ADAM7: variants seen among roughly 807,000 people sequenced by gnomAD.
ADAM7 encodes ADAM metallopeptidase domain 7, also known as disintegrin and metalloproteinase domain-containing protein 7.
Under a neutral mutation model 102.9 loss-of-function variants are expected in ADAM7, and 97 were observed. The ratio of observed to expected loss-of-function variants is 0.94; its 90% CI spans 0.80 to 1.12. The LOEUF (loss-of-function observed/expected upper bound fraction) is 1.12, where lower values mean the gene tolerates loss of function less well. Among genes scored for constraint, ADAM7 ranks in the 50% most tolerant of loss-of-function variants. The pLI, the probability that ADAM7 is intolerant of heterozygous loss-of-function variation, is 0.00. For synonymous variants in ADAM7, 334 were observed against 304.4 expected (o/e 1.10, Z -1.01); for missense variants, 991 against 908.7 (o/e 1.09, Z -1.16).
At chr8:24,492,322 C>A (rs181255718) in intron 14 of ADAM7, among the ~76,000 whole-genome samples, 173 bp from the exon 15 acceptor site, 106 of 152,182 alleles carry the variant, frequency 7.0e-4, no homozygotes, top group Admixed American at 1.4e-3. Context: ...TGTTTTATAT[C>A]TCCAGCCTAA....
At chr8:24,464,790 G>A (rs1254918509) in intron 4 of ADAM7, among the ~76,000 whole-genome samples, 2 of 130,116 alleles carry the variant, frequency 1.5e-5, no homozygotes, top group African/African-American at 5.6e-5. Context: ...TAGTAGAGGC[G>A]GGGTTTCACC....
chr8:24,450,928 T>C (rs962719546), intron 3 of ADAM7, among the ~76,000 whole-genome samples: 4 of 152,204 alleles, frequency 2.6e-5, no homozygotes, highest in African/African-American at 4.8e-5. Context: ...TCATCTTTGG[T>C]TCTGTTTATA....
rs751999467 is a variant in ADAM7, at chr8:24,487,187, G to C, written c.961G>C (p.Asp321His). The C allele has an allele frequency of 6.2e-7, 1 of 1,613,094 alleles. No homozygotes were observed. Among genetic ancestry groups the C allele is most frequent in the Non-Finnish European group, 8.5e-7 (1 of 1,179,476 alleles). Reference sequence around the variant, plus strand: ...TCTAATGCAATTGTTTTATCATCAGGATCTTTTACCTGACACAAACATAAT... The same window carrying C: ...TCTAATGCAATTGTTTTATCATCAGCATCTTTTACCTGACACAAACATAAT... ...LPYYSTSIIK[D>H]LLPDTNIIAN... Residue 321 changes from aspartate to histidine, a missense_variant and splice_region_variant, in exon 11 of 22, where the codon GAT (aspartate) becomes CAT (histidine). Transcript: ENST00000175238.
intron 2 of ADAM7, among the ~76,000 whole-genome samples, chr8:24,444,805 T>A (rs1267366750): frequency 6.6e-6 from 1 of 151,924 alleles, no homozygotes; most frequent in South Asian, 2.1e-4. Flanking sequence ...TTAAAGCACA[T>A]CAGGGAAAAA....
chr8:24,452,790 AGTT>A (rs1818851749), intron 3 of ADAM7, among the ~76,000 whole-genome samples: 1 of 151,568 alleles, frequency 6.6e-6, no homozygotes, highest in Non-Finnish European at 1.5e-5. Context: ...GGCTGGTACC[AGTT>A]GTTCCTTTCC....
At chr8:24,480,333 C>T (rs904113783) in intron 8 of ADAM7, among the ~76,000 whole-genome samples, 6 of 152,122 alleles carry the variant, frequency 3.9e-5, no homozygotes, top group Admixed American at 6.6e-5. Flanking sequence ...TCTAAAAGCC[C>T]GTGTGCCTGG....
In ADAM7 at chr8:24,500,871, G is replaced by T. The variant is rs141057713; in HGVS notation, c.2084G>T (p.Cys695Phe). 6.2e-7 allele frequency: 1 copy of T among 1,612,950 alleles called. No homozygotes were observed. The highest frequency in any genetic ancestry group is 2.2e-5 in the East Asian group (1 of 44,808). The change falls in exon 19 of 22, where the codon TGT (cysteine) becomes TTT (phenylalanine). Residue 695 changes from cysteine (C) to phenylalanine (F), a missense_variant. Coordinates refer to ENST00000175238, the MANE Select transcript of ADAM7 (RefSeq NM_003817.4). ...ATACTATTAGTTCGTTACCGAAAAT[G>T]TATCAAGTTGAAGCAAGTTCAGAGG... ...VLILLVRYRKCIKLKQVQSPP... is the reference protein window; with the variant it reads ...VLILLVRYRKFIKLKQVQSPP...
chr8:24,447,699 C>T (rs1344331864), intron 3 of ADAM7, among the ~76,000 whole-genome samples: 1 of 152,072 alleles, frequency 6.6e-6, no homozygotes, highest in Non-Finnish European at 1.5e-5. Context: ...CTTGTGTAAC[C>T]AAATAGTGTA....
chr8:24,451,281 C>T (rs559232620), intron 3 of ADAM7, among the ~76,000 whole-genome samples: 9 of 151,860 alleles, frequency 5.9e-5, no homozygotes, highest in African/African-American at 1.9e-4. Flanking sequence ...ATCTGGTCCT[C>T]GACTCTTTTT....
intron 8 of ADAM7, among the ~76,000 whole-genome samples, chr8:24,481,354 T>A (rs1819945337): frequency 6.6e-6 from 1 of 152,194 alleles, no homozygotes; most frequent in Non-Finnish European, 1.5e-5. Context: ...ACTAGTTACA[T>A]TGCCTAGTAA....
chr8:24,470,303 C>A (rs1819562466), intron 7 of ADAM7, among the ~76,000 whole-genome samples: 1 of 152,004 alleles, frequency 6.6e-6, no homozygotes, highest in Non-Finnish European at 1.5e-5. Context: ...AGAAAGAAAT[C>A]ATACTTAAAA....
At chr8:24,500,394 TACCCAAA>T (rs1240586985) in intron 18 of ADAM7, 138 bp downstream of exon 18, 26 of 713,888 alleles carry the variant, frequency 3.6e-5, no homozygotes, top group Non-Finnish European at 5.0e-5. Context: ...TGTGCATGAA[TACCCAAA>T]TTGATTTTAC....
chr8:24,462,515 C>T (rs969437679), intron 3 of ADAM7, among the ~76,000 whole-genome samples: 1 of 152,154 alleles, frequency 6.6e-6, no homozygotes, highest in Non-Finnish European at 1.5e-5. Flanking sequence ...TTCTTCACCT[C>T]TCATGCTGTG....
intron 13 of ADAM7, 148 bp from the exon 14 acceptor site, chr8:24,491,755 T>C (rs941610050): frequency 1.9e-5 from 11 of 583,092 alleles, no homozygotes; most frequent in Admixed American, 7.1e-5. Context: ...CATTGACAAA[T>C]GACAATGATT....
At chr8:24,464,264 G>C (rs973048733) in intron 4 of ADAM7, among the ~76,000 whole-genome samples, 4 of 152,054 alleles carry the variant, frequency 2.6e-5, no homozygotes, top group Admixed American at 1.3e-4. Flanking sequence ...AAAATATAAG[G>C]CACCTTATGA....
chr8:24,508,974 C>T lies in ADAM7; in HGVS notation c.*428C>T. The T allele has an allele frequency of 1.0e-6, 1 of 1,003,688 alleles. No homozygotes were observed. Among genetic ancestry groups the T allele is most frequent in the Non-Finnish European group, 1.2e-6 (1 of 841,894 alleles). 62.2% of individuals were successfully genotyped at this position (1,003,688 alleles called of 1,614,324 possible). A position where few individuals can be genotyped will look rare whatever the true frequency, so the allele number is the denominator to read the frequency against. The stretch of plus-strand genomic sequence containing the variant: ...ACGTTTTAAAACTTGAACATGACAT[C>T]ATTAGCACTAATTCTGGTTTAAATG... On this transcript the variant is annotated 3_prime_UTR_variant, in exon 22 of 22. Transcript: ENST00000175238.
At position 24,500,786 on chromosome 8, in the gene ADAM7, G is replaced by A. The variant is rs1355402237; in HGVS notation, c.2003-4G>A. 1.2e-6 allele frequency: 2 copies of A among 1,610,496 alleles called. No individual in the cohort carries two copies. The highest frequency in any genetic ancestry group is 1.7e-6 in the Non-Finnish European group (2 of 1,177,336). On this transcript the variant is annotated splice_region_variant and splice_polypyrimidine_tract_variant and intron_variant, in intron 18 of 21. Coordinates refer to ENST00000175238, the MANE Select transcript of ADAM7 (RefSeq NM_003817.4). ...GATGAAGCCCATGTTTCTTCATGTT[G>A]CAGATATCACCATCTTGGTTGTTGT...
intron 3 of ADAM7, among the ~76,000 whole-genome samples, chr8:24,455,790 T>G (rs1391198402): frequency 6.6e-6 from 1 of 152,248 alleles, no homozygotes; most frequent in African/African-American, 2.4e-5. Context: ...ATCTACATAT[T>G]TGTTGAATTT....
chr8:24,463,924 G>A lies in ADAM7; in HGVS notation c.276G>A (p.Met92Ile), dbSNP rs748222279. Residue 92 changes from methionine (M) to isoleucine (I), a missense_variant, in exon 4 of 22, where the codon ATG (methionine) becomes ATA (isoleucine). Transcript: ENST00000175238. ...ATTACAGTGAAACATTCTACTCCAT[G>A]AAAGGAGAAGCGTTCACCAGGCATC... ...GSNYSETFYS[M>I]KGEAFTRHPQ... 3.7e-6 allele frequency: 6 copies of A among 1,613,672 alleles called. No individual in the cohort carries two copies. The African/African-American group carries it at 5.3e-5, about 14-fold the overall frequency.
Sources: gnomAD v4.1 joint callset for allele counts (sites outside exome capture counted in the v4.1 genomes callset) on GRCh38, gnomAD v4.1.1 for gene constraint, MANE v1.5 for transcripts, NCBI Gene and HGNC (gene_info 2026-07-23, HGNC 2026-07-21) for gene names.